The following GALK2 variants were observed in gnomAD, a reference collection of about 807,000 sequenced individuals.
The protein encoded by GALK2 is galactokinase 2, also known as N-acetylgalactosamine kinase.
In GALK2, 36 loss-of-function variants were observed where a neutral mutation model predicts 52.4. The observed-to-expected ratio is 0.69, with a 90% CI of 0.53 to 0.91. GALK2 has a LOEUF of 0.91. GALK2 is among the 40% of genes least tolerant of loss of function. The pLI is 0.00. For synonymous variants in GALK2, 176 were observed against 199.1 expected (o/e 0.88, Z 0.98); for missense variants, 579 against 559.1 (o/e 1.04, Z -0.36).
intron 1 of GALK2, among the ~76,000 whole-genome samples, chr15:49,187,437 A>G (rs749269744): frequency 3.3e-5 from 5 of 152,190 alleles, no homozygotes; most frequent in African/African-American, 1.2e-4. Flanking sequence ...AAACCATGTC[A>G]TGGTTACCAC....
At chr15:49,182,210 AT>A (rs774707129) in intron 1 of GALK2, among the ~76,000 whole-genome samples, 16 of 152,018 alleles carry the variant, frequency 1.1e-4, no homozygotes, top group Admixed American at 7.9e-4. Context: ...AATTGTTTTA[AT>A]TTTTAGCTCC....
intron 8 of GALK2, among the ~76,000 whole-genome samples, chr15:49,297,609 G>A (rs2034598125): frequency 6.6e-6 from 1 of 151,982 alleles, no homozygotes; most frequent in African/African-American, 2.4e-5. Context: ...TTTTGTATAT[G>A]GTAAAAGGAA....
chr15:49,337,420 G>A (rs181541046), intron 3 of GALK2, among the ~76,000 whole-genome samples: 26 of 146,718 alleles, frequency 1.8e-4, no homozygotes, highest in East Asian at 6.0e-4. Context: ...TGTGGTTTTC[G>A]TTTGCATTTC....
At chr15:49,358,285 G>A (rs1433484974) in intron 3 of GALK2, among the ~76,000 whole-genome samples, 62 of 134,512 alleles carry the variant, frequency 4.6e-4, no homozygotes, top group African/African-American at 1.7e-3. Context: ...TAGGAAAAGA[G>A]GAAGTCAAAT....
intron 9 of GALK2, among the ~76,000 whole-genome samples, chr15:49,321,533 A>T (rs2036873346): frequency 6.6e-6 from 1 of 152,220 alleles, no homozygotes; most frequent in Non-Finnish European, 1.5e-5. Context: ...GTCCTGAGAA[A>T]CTTTCCTTGT....
rs755192521 is a variant in GALK2 at position 49,319,616 on chromosome 15, A to G, written c.980A>G (p.Lys327Arg). 10 of 1,614,192 alleles carry G rather than the reference A, an allele frequency of 6.2e-6. No homozygotes were observed. The African/African-American group carries it at 8.0e-5, about 13-fold the overall frequency. Residue 327 changes from lysine (K) to arginine (R), a missense_variant, in exon 9 of 10, where the codon AAA becomes AGA. Physicochemically the swap from Lys to Arg is conservative, Grantham distance 26. Transcript: ENST00000560031. ...SPNTQDVLIFKLYQRAKHVYS... is the reference protein window; with the variant it reads ...SPNTQDVLIFRLYQRAKHVYS... The stretch of plus-strand genomic sequence containing the variant: ...CTTCCTTCCTCAGTGCTCATCTTCA[A>G]ACTCTATCAGCGGGCAAAGCATGTG...
chr15:49,175,338 A>G (rs1300850937), intron 1 of GALK2, among the ~76,000 whole-genome samples: 1 of 152,182 alleles, frequency 6.6e-6, no homozygotes. Context: ...ATCATAAGTC[A>G]GAGTTAGGAG....
intron 7 of GALK2, among the ~76,000 whole-genome samples, chr15:49,285,710 T>C (rs569180170): frequency 6.6e-6 from 1 of 152,316 alleles, no homozygotes; most frequent in African/African-American, 2.4e-5. Flanking sequence ...CCATCATCAC[T>C]TATTGACTAT....
intron 2 of GALK2, among the ~76,000 whole-genome samples, chr15:49,208,042 G>A (rs576555023): frequency 1.2e-4 from 18 of 152,202 alleles, no homozygotes; most frequent in African/African-American, 4.3e-4. Context: ...CAAAGTGCTG[G>A]GATTACAGGC....
intron 5 of GALK2, among the ~76,000 whole-genome samples, chr15:49,267,285 C>A (rs1008787808): frequency 3.3e-5 from 5 of 152,140 alleles, no homozygotes; most frequent in African/African-American, 1.2e-4. Flanking sequence ...AGGATTCTTG[C>A]TGAATGCAGG....
At chr15:49,298,850 A>G (rs2034714036) in intron 8 of GALK2, among the ~76,000 whole-genome samples, 1 of 151,998 alleles carries the variant, frequency 6.6e-6, no homozygotes, top group South Asian at 2.1e-4. Flanking sequence ...TTCATCAGGG[A>G]TATTGGCCTG....
intron 1 of GALK2, among the ~76,000 whole-genome samples, chr15:49,170,823 T>C (rs1310844385): frequency 6.6e-6 from 1 of 152,064 alleles, no homozygotes; most frequent in Non-Finnish European, 1.5e-5. Flanking sequence ...AACACGAGAA[T>C]CTCTGAACTG....
In GALK2 at chr15:49,212,307, GGTC is replaced by G. The variant is rs1218522542; in HGVS notation, c.143-4882_143-4880del. On this transcript the variant is annotated intron_variant, in intron 2 of 9. Transcript: ENST00000560031. ...GGGGTTTCACCCTGTTGGCCAGGCT[GGTC>G]TTGAACGCCTGGCCTTGTGATCTGC... Among the ~76,000 whole-genome samples the G allele has an allele frequency of 8.1e-3, 1,233 of 152,202 alleles. 17 individuals carry two copies. Among genetic ancestry groups the G allele is most frequent in the African/African-American group, 0.029 (1,186 of 41,534 alleles).
intron 2 of GALK2, among the ~76,000 whole-genome samples, chr15:49,207,470 T>C (rs900722967): frequency 6.6e-6 from 1 of 152,234 alleles, no homozygotes; most frequent in African/African-American, 2.4e-5. Flanking sequence ...GCTGTGAATC[T>C]GTCTGGTCCT....
intron 3 of GALK2, among the ~76,000 whole-genome samples, chr15:49,219,459 T>C (rs1269047084): frequency 6.6e-6 from 1 of 152,186 alleles, no homozygotes; most frequent in Admixed American, 6.5e-5. Flanking sequence ...TGTAAATTGC[T>C]CAGTCTCAAG....
chr15:49,161,730 AT>A, intron 1 of GALK2: 2 of 184,898 alleles, frequency 1.1e-5, no homozygotes, highest in Non-Finnish European at 1.1e-5. Context: ...ATTTTATTTT[AT>A]TTTTTGAGAT....
At chr15:49,325,380 A>AAT (rs2037302433) in intron 9 of GALK2, among the ~76,000 whole-genome samples, 1 of 152,234 alleles carries the variant, frequency 6.6e-6, no homozygotes, top group African/African-American at 2.4e-5. Context: ...TCTGATGTGC[A>AAT]ATAGCTCAGG....
At chr15:49,307,703 T>C (rs980534695) in intron 8 of GALK2, among the ~76,000 whole-genome samples, 4 of 152,194 alleles carry the variant, frequency 2.6e-5, no homozygotes, top group African/African-American at 9.7e-5. Flanking sequence ...GGAACAGACC[T>C]TGAAGGCTCT....
intron 5 of GALK2, among the ~76,000 whole-genome samples, chr15:49,270,771 A>C (rs1017790427): frequency 6.6e-6 from 1 of 152,200 alleles, no homozygotes; most frequent in Admixed American, 6.5e-5. Flanking sequence ...TTTCGTTTGC[A>C]TCTATATCTG....
Sources: allele counts gnomAD v4.1 joint callset (sites outside exome capture counted in the v4.1 genomes callset), GRCh38; gene constraint gnomAD v4.1.1; transcripts MANE v1.5; gene names NCBI Gene and HGNC (gene_info 2026-07-23, HGNC 2026-07-21).